The following SEMA6A variants were observed in gnomAD, a reference collection of about 807,000 sequenced individuals.
The protein encoded by SEMA6A is semaphorin 6A.
Under a neutral mutation model 96.8 loss-of-function variants are expected in SEMA6A, and 25 were observed. The ratio of observed to expected loss-of-function variants is 0.26; its 90% CI spans 0.19 to 0.36. The LOEUF (loss-of-function observed/expected upper bound fraction) is 0.36, where lower values mean the gene tolerates loss of function less well. Among genes scored for constraint, SEMA6A ranks in the 10% least tolerant of loss-of-function variants. The pLI is 1.00. For synonymous variants in SEMA6A, 612 were observed against 518.0 expected (o/e 1.18, Z -2.46); for missense variants, 1,363 against 1,323.1 (o/e 1.03, Z -0.47).
intron 18 of SEMA6A, among the ~76,000 whole-genome samples, chr5:116,462,203 A>G (rs1265693051): frequency 6.6e-6 from 1 of 152,196 alleles, no homozygotes; most frequent in Non-Finnish European, 1.5e-5. Context: ...ACCAGGGGGT[A>G]GGATCTATGA....
chr5:116,545,972 T>A (rs254224), intron 1 of SEMA6A, among the ~76,000 whole-genome samples: 52,819 of 152,078 alleles, frequency 0.35, 10,376 homozygotes, highest in East Asian at 0.57. Context: ...AGGGACACAG[T>A]AGAGCTATTT....
intron 17 of SEMA6A, among the ~76,000 whole-genome samples, chr5:116,470,917 A>G (rs1756094532): frequency 6.6e-6 from 1 of 152,248 alleles, no homozygotes; most frequent in African/African-American, 2.4e-5. Flanking sequence ...TCGATGCTAC[A>G]AATACAGTGC....
intron 1 of SEMA6A, among the ~76,000 whole-genome samples, chr5:116,551,549 A>G (rs957873981): frequency 6.6e-6 from 1 of 152,144 alleles, no homozygotes; most frequent in African/African-American, 2.4e-5. Context: ...CCATCTTACA[A>G]AGGAGGAAAC....
At chr5:116,487,769 C>T (rs1757132457) in intron 9 of SEMA6A, among the ~76,000 whole-genome samples, 1 of 152,102 alleles carries the variant, frequency 6.6e-6, no homozygotes, top group Admixed American at 6.5e-5. Flanking sequence ...GAGGCTGAGG[C>T]AGGAGAATCA....
intron 1 of SEMA6A, among the ~76,000 whole-genome samples, chr5:116,508,877 C>CAG (rs1758268730): frequency 6.6e-6 from 1 of 152,214 alleles, no homozygotes; most frequent in Non-Finnish European, 1.5e-5. Context: ...AACCTTTATA[C>CAG]TACCCAGGTA....
chr5:116,445,477 T>C lies in SEMA6A; in HGVS notation c.*1136A>G, dbSNP rs1292961294. The stretch of plus-strand genomic sequence containing the variant: ...TGAAATGGGATGGCATATTGCAAGC[T>C]GGTGCCTTCACAGAAAGTCAGAACC... On this transcript the variant is annotated 3_prime_UTR_variant, in exon 19 of 19. Coordinates refer to ENST00000343348, the MANE Select transcript of SEMA6A (RefSeq NM_020796.5). 6.5e-6 allele frequency: 1 copy of C among 152,716 alleles called. No homozygotes were observed. The highest frequency in any genetic ancestry group is 1.5e-5 in the Non-Finnish European group (1 of 68,060). 9.5% of individuals were successfully genotyped at this position (152,716 alleles called of 1,614,324 possible). A position where few individuals can be genotyped will look rare whatever the true frequency, so the allele number is the denominator to read the frequency against.
At chr5:116,527,954 C>T (rs1308927302) in intron 1 of SEMA6A, among the ~76,000 whole-genome samples, 1 of 152,006 alleles carries the variant, frequency 6.6e-6, no homozygotes, top group African/African-American at 2.4e-5. Context: ...ATTAGAGAAC[C>T]AAACAAAGGA....
chr5:116,451,496 A>ATAAT (rs1255010246), intron 18 of SEMA6A, among the ~76,000 whole-genome samples: 2 of 152,232 alleles, frequency 1.3e-5, no homozygotes, highest in Non-Finnish European at 2.9e-5. Flanking sequence ...GAATTTTGAA[A>ATAAT]TAATTAAAAC....
chr5:116,564,552 T>C lies in SEMA6A; in HGVS notation c.-39+9633A>G, dbSNP rs151318492. Among the ~76,000 whole-genome samples, 552 of 152,306 alleles carry C rather than the reference T, an allele frequency of 3.6e-3. 3 individuals are homozygous for C. The highest frequency in any genetic ancestry group is 0.013 in the African/African-American group (533 of 41,560). On this transcript the variant is annotated intron_variant, in intron 1 of 18. Transcript: ENST00000343348. ...AAATTTGCCAACCAGAAGCAAGCTG[T>C]GTTCTGCATCACACGTGAAGCACAT...
intron 1 of SEMA6A, among the ~76,000 whole-genome samples, chr5:116,538,895 C>G (rs1759840476): frequency 6.6e-6 from 1 of 152,078 alleles, no homozygotes; most frequent in African/African-American, 2.4e-5. Flanking sequence ...TATGTATTTT[C>G]TAGAGTTTTC....
chr5:116,462,308 G>C (rs1373309863), intron 18 of SEMA6A, among the ~76,000 whole-genome samples: 2 of 152,146 alleles, frequency 1.3e-5, no homozygotes, highest in East Asian at 3.9e-4. Context: ...AGTTTGAACG[G>C]GAGAAAAGGA....
chr5:116,510,084 T>C (rs1340872650), intron 1 of SEMA6A, among the ~76,000 whole-genome samples: 1 of 152,094 alleles, frequency 6.6e-6, no homozygotes, highest in African/African-American at 2.4e-5. Flanking sequence ...TGGACTGCAA[T>C]AGGCACATCA....
chr5:116,522,724 C>CT (rs143112251), intron 1 of SEMA6A, among the ~76,000 whole-genome samples: 7 of 150,330 alleles, frequency 4.7e-5, no homozygotes, highest in Admixed American at 1.3e-4. Flanking sequence ...CAGATGGGAA[C>CT]TTTTTTTTTT....
chr5:116,562,568 C>A lies in SEMA6A; in HGVS notation c.-39+11617G>T. ...CTGGAGACAACGTGCAGAAATGGCA[C>A]CTCGAAAGGGGAAGGAAAAGGAAGA... On this transcript the variant is annotated intron_variant, in intron 1 of 18. Coordinates refer to ENST00000343348, the MANE Select transcript of SEMA6A (RefSeq NM_020796.5). 3 of 612,078 alleles carry A rather than the reference C, an allele frequency of 4.9e-6. No individual in the cohort carries two copies. The East Asian group carries it at 1.1e-4, about 21-fold the overall frequency. 37.9% of individuals were successfully genotyped at this position (612,078 alleles called of 1,614,324 possible).
chr5:116,464,603 G>A (rs1755616956), intron 18 of SEMA6A, among the ~76,000 whole-genome samples: 1 of 152,176 alleles, frequency 6.6e-6, no homozygotes, highest in African/African-American at 2.4e-5. Flanking sequence ...ATTCCACAGA[G>A]GGGCAGAGGG....
chr5:116,481,595 G>A (rs564095166), intron 11 of SEMA6A, among the ~76,000 whole-genome samples: 3 of 152,172 alleles, frequency 2.0e-5, no homozygotes, highest in East Asian at 3.9e-4. Flanking sequence ...AAAAAAATTA[G>A]TAAGACATTG....
In SEMA6A at chr5:116,508,142, G is replaced by C. The variant is rs974611015; in HGVS notation, c.-38-3160C>G. 4.6e-5 allele frequency: 7 copies of C among 152,190 alleles called. No individual in the cohort carries two copies. The East Asian group carries it at 1.2e-3, about 25-fold the overall frequency. The allele number at this position is 152,190 out of a possible 1,614,324, so 9.4% of individuals were successfully genotyped here. On this transcript the variant is annotated intron_variant, in intron 1 of 18. Transcript: ENST00000343348. ...AATGAACCATGCAGAATGCTAATTG[G>C]GCAGGAAACCAGCTTTCAGGTACTC... is the stretch of plus-strand genomic sequence containing the variant.
At chr5:116,568,297 T>A (rs1761087905) in intron 1 of SEMA6A, among the ~76,000 whole-genome samples, 1 of 152,204 alleles carries the variant, frequency 6.6e-6, no homozygotes, top group South Asian at 2.1e-4. Flanking sequence ...AGGTTTACTA[T>A]TTATAATTTT....
intron 18 of SEMA6A, chr5:116,449,212 C>T (rs1381642736): frequency 3.0e-6 from 2 of 662,216 alleles, no homozygotes; most frequent in Admixed American, 4.7e-5. Flanking sequence ...TCAATTCCTG[C>T]CTCTGGAGAG....
Sources: gnomAD v4.1 joint callset for allele counts (sites outside exome capture counted in the v4.1 genomes callset) on GRCh38, gnomAD v4.1.1 for gene constraint, MANE v1.5 for transcripts, NCBI Gene and HGNC (gene_info 2026-07-23, HGNC 2026-07-21) for gene names.